Variants in USP28 observed in about 807,000 individuals in gnomAD.
The protein encoded by USP28 is ubiquitin carboxyl-terminal hydrolase 28.
In USP28, 113 loss-of-function variants were observed where a neutral mutation model predicts 145.0. The ratio of observed to expected loss-of-function variants is 0.78; its 90% CI spans 0.67 to 0.91. USP28 has a LOEUF of 0.91. USP28 is among the 40% of genes least tolerant of loss of function. USP28 has a pLI of 0.00. For synonymous variants in USP28, 447 were observed against 450.9 expected, an observed-to-expected ratio of 0.99 and a Z score of 0.11; for missense variants, 1,201 against 1,289.6, an observed-to-expected ratio of 0.93 and a Z score of 1.05.
intron 3 of USP28, among the ~76,000 whole-genome samples, chr11:113,845,036 C>T (rs1945660603): frequency 6.6e-6 from 1 of 150,870 alleles, no homozygotes; most frequent in Admixed American, 6.6e-5. Flanking sequence ...GGGAGGATCA[C>T]TTGAGCCTGG....
At chr11:113,809,943 G>A (rs1051082805) in intron 16 of USP28, among the ~76,000 whole-genome samples, 1 of 150,786 alleles carries the variant, frequency 6.6e-6, no homozygotes, top group African/African-American at 2.4e-5. Flanking sequence ...GCTGAAGTGG[G>A]AGAATCGCTT....
At chr11:113,853,951 G>A (rs7126080) in intron 2 of USP28, among the ~76,000 whole-genome samples, 66,664 of 150,718 alleles carry the variant, frequency 0.44, 16,207 homozygotes, top group South Asian at 0.56. Context: ...CAGATAACCA[G>A]TTCAAACTTC....
Position 113,812,141 on chromosome 11 carries a change from T to C in USP28, c.1972+135A>G, listed in dbSNP as rs1941081992. 6 of 608,398 alleles carry C rather than the reference T, an allele frequency of 9.9e-6. No individual in the cohort carries two copies. The South Asian group carries it at 1.5e-4, about 15-fold the overall frequency. 37.7% of individuals were successfully genotyped at this position (608,398 alleles called of 1,614,324 possible). A position where few individuals can be genotyped will look rare whatever the true frequency, so the allele number is the denominator to read the frequency against. On this transcript the variant is annotated intron_variant, in intron 16 of 24. Coordinates refer to ENST00000003302, the Ensembl canonical transcript of USP28. ...TGTTTTTCCTTTTCATTTCCTTTTA[T>C]ACTGTCTATATTTTTTAAATCTATT...
chr11:113,826,023 G>A (rs555195431), intron 11 of USP28, among the ~76,000 whole-genome samples: 2 of 152,162 alleles, frequency 1.3e-5, no homozygotes, highest in African/African-American at 2.4e-5. Flanking sequence ...CATGGCTCAC[G>A]CCTATAATCC....
At chr11:113,858,635 G>A (rs1310577221) in intron 1 of USP28, among the ~76,000 whole-genome samples, 2 of 151,950 alleles carry the variant, frequency 1.3e-5, no homozygotes, top group African/African-American at 4.8e-5. Context: ...TTTTTGAGAC[G>A]GAGTCTTGCT....
chr11:113,803,356 C>T, intron 22 of USP28, 75 bp from the exon 24 acceptor site: 1 of 1,446,888 alleles, frequency 6.9e-7, no homozygotes, highest in Non-Finnish European at 9.2e-7. Flanking sequence ...CACTTTTCCC[C>T]ATTTCAAGAA....
rs376053359 is a variant in USP28 at position 113,817,653 on chromosome 11, A to G, written c.1463+5T>C. 11 of 1,610,340 alleles carry G rather than the reference A, an allele frequency of 6.8e-6. No homozygotes were observed. In the African/African-American group the frequency reaches 1.5e-4, roughly 22 times the overall value. On this transcript the variant is annotated splice_donor_5th_base_variant and intron_variant, in intron 13 of 24. Transcript: ENST00000003302. ...ATACCATTAAAAAAAAAATGTTTTC[A>G]TTACCTTTCCTTGGATGTCTGGTCA...
intron 15 of USP28, 72 bp from the exon 16 acceptor site, chr11:113,812,576 AT>A: frequency 7.5e-7 from 1 of 1,342,086 alleles, no homozygotes; most frequent in Non-Finnish European, 1.0e-6. Context: ...TTATTAAGAA[AT>A]TACTGTTTAT....
chr11:113,833,589 A>G (rs777967527), intron 6 of USP28, 32 bp from the exon 7 acceptor site: 3 of 1,578,592 alleles, frequency 1.9e-6, no homozygotes, highest in Middle Eastern at 1.8e-4. Context: ...TACTCTTACA[A>G]TATCTCATTT....
chr11:113,830,811 C>T, intron 9 of USP28, 56 bp downstream of exon 9: 1 of 1,549,922 alleles, frequency 6.5e-7, no homozygotes, highest in Non-Finnish European at 8.9e-7. Flanking sequence ...CAAAGGGACA[C>T]AGTAATAAAG....
chr11:113,849,987 G>A (rs868210598), intron 3 of USP28, among the ~76,000 whole-genome samples: 1 of 152,242 alleles, frequency 6.6e-6, no homozygotes, highest in East Asian at 1.9e-4. Context: ...GGAGTGAGCC[G>A]TTTGACTCTC....
intron 15 of USP28, 136 bp from the exon 16 acceptor site, chr11:113,812,640 G>T: frequency 1.3e-6 from 1 of 789,758 alleles, no homozygotes; most frequent in Non-Finnish European, 2.0e-6. Context: ...TCAAGATGAA[G>T]TCCACAAAAA....
chr11:113,874,512 C>A, intron 1 of USP28: 1 of 1,286,046 alleles, frequency 7.8e-7, no homozygotes, highest in Non-Finnish European at 1.0e-6. Flanking sequence ...TAAAAGGATT[C>A]TCACCTGAGG....
At chr11:113,803,587 T>C (rs764205125) in intron 22 of USP28, among the ~76,000 whole-genome samples, 1 of 152,184 alleles carries the variant, frequency 6.6e-6, no homozygotes, top group Non-Finnish European at 1.5e-5. Flanking sequence ...TGGCACAATA[T>C]TATCTCGCAG....
chr11:113,839,144 T>C (rs1162114969), intron 5 of USP28, among the ~76,000 whole-genome samples: 1 of 152,226 alleles, frequency 6.6e-6, no homozygotes, highest in Non-Finnish European at 1.5e-5. Flanking sequence ...TCTGCCTACA[T>C]GGTATCTCCT....
intron 12 of USP28, among the ~76,000 whole-genome samples, chr11:113,820,038 A>C (rs1408944647): frequency 1.3e-5 from 2 of 152,208 alleles, no homozygotes; most frequent in African/African-American, 4.8e-5. Context: ...AGCTTGTGGG[A>C]GTTAAAATTT....
At chr11:113,869,734 A>C (rs1591518298) in intron 1 of USP28, among the ~76,000 whole-genome samples, 2 of 152,244 alleles carry the variant, frequency 1.3e-5, no homozygotes, top group Non-Finnish European at 2.9e-5. Context: ...ACAAGTGTAC[A>C]TTCCCATGCC....
chr11:113,872,314 G>A (rs573702024), intron 1 of USP28, among the ~76,000 whole-genome samples: 2 of 151,948 alleles, frequency 1.3e-5, no homozygotes, highest in African/African-American at 4.8e-5. Flanking sequence ...GTGAAACCCC[G>A]TCTCTACTAA....
chr11:113,838,154 G>C (rs572490294), intron 5 of USP28, among the ~76,000 whole-genome samples: 1 of 152,282 alleles, frequency 6.6e-6, no homozygotes, highest in Admixed American at 6.5e-5. Context: ...GCCTTACTCA[G>C]CTATCTTCTC....
Sources: allele counts gnomAD v4.1 joint callset (sites outside exome capture counted in the v4.1 genomes callset), GRCh38; gene constraint gnomAD v4.1.1; transcripts MANE v1.5; gene names NCBI Gene and HGNC (gene_info 2026-07-23, HGNC 2026-07-21).